The following PTPN13 variants were observed in gnomAD, a reference collection of about 807,000 sequenced individuals.
The protein encoded by PTPN13 is tyrosine-protein phosphatase non-receptor type 13.
PTPN13 carries 191 observed loss-of-function variants against 284.0 expected under a neutral mutation model. The observed-to-expected ratio is 0.67, with a 90% confidence interval of 0.60 to 0.76. PTPN13 has a LOEUF of 0.76. Ranked by LOEUF, PTPN13 falls within the 30% of genes least tolerant of loss-of-function variation. The pLI, the probability that PTPN13 is intolerant of heterozygous loss-of-function variation, is 0.00. For missense variants in PTPN13, 2,797 were observed against 2,939.9 expected, an observed-to-expected ratio of 0.95 and a Z score of 1.12; for synonymous variants, 986 against 1,022.3, an observed-to-expected ratio of 0.96 and a Z score of 0.68.
intron 7 of PTPN13, among the ~76,000 whole-genome samples, chr4:86,708,598 C>G (rs1390809030): frequency 6.6e-6 from 1 of 152,074 alleles, no homozygotes; most frequent in Non-Finnish European, 1.5e-5. Flanking sequence ...TAGCCACTCT[C>G]TAAGGACGGA....
In PTPN13 at chr4:86,724,163, T is replaced by C. The variant is rs1733975156; in HGVS notation, c.1608+1729T>C. ...TTGGATTGTAGTTTATAAAACACTA[T>C]CCAATTTTTAAAGTTTTTAGATTCC... On this transcript the variant is annotated intron_variant, in intron 10 of 47. Transcript: ENST00000411767. Among the ~76,000 whole-genome samples the C allele has an allele frequency of 2.0e-5, 3 of 152,190 alleles. No individual in the cohort carries two copies. In the South Asian group the frequency reaches 6.2e-4, roughly 31 times the overall value.
chr4:86,629,183 T>C lies in PTPN13; in HGVS notation c.-5-6069T>C, dbSNP rs1578285573. ...GCAACCTACAACATGGGAGAAAATT[T>C]TCGCAACCTACTCATCTGACAAAGG... is the stretch of plus-strand genomic sequence containing the variant. On this transcript the variant is annotated intron_variant, in intron 1 of 47. Coordinates refer to ENST00000411767, the MANE Select transcript of PTPN13 (RefSeq NM_080683.3). 2.7e-5 allele frequency among the ~76,000 whole-genome samples: 4 copies of C among 148,006 alleles called. 1 individual carries two copies. Among genetic ancestry groups the C allele is most frequent in the African/African-American group, 1.0e-4 (4 of 40,174 alleles).
Position 86,701,335 on chromosome 4 carries a change from T to C in PTPN13, c.729T>C (p.Phe243=), listed in dbSNP as rs1197407112. The change falls in exon 7 of 48, where the codon TTT becomes TTC. Residue 243 remains phenylalanine (F), a synonymous_variant. Coordinates refer to ENST00000411767, the MANE Select transcript of PTPN13 (RefSeq NM_080683.3). ...AAGGGCTTAGTAAATCTATGGGATT[T>C]CTGTCCATCAAAGATACACAAGATG... ...LNKGLSKSMG[F]LSIKDTQDEN... is the part of the protein sequence containing the mutation. 6.2e-7 allele frequency: 1 copy of C among 1,612,572 alleles called. No individual in the cohort carries two copies. The highest frequency in any genetic ancestry group is 1.1e-5 in the South Asian group (1 of 90,886).
At chr4:86,813,625 C>T (rs970809814) in intron 47 of PTPN13, among the ~76,000 whole-genome samples, 5 of 152,054 alleles carry the variant, frequency 3.3e-5, no homozygotes, top group Non-Finnish European at 5.9e-5. Flanking sequence ...TGGGATTTCA[C>T]CATGTTGGCC....
At chr4:86,602,931 T>A (rs1764435689) in intron 1 of PTPN13, among the ~76,000 whole-genome samples, 1 of 152,158 alleles carries the variant, frequency 6.6e-6, no homozygotes, top group African/African-American at 2.4e-5. Flanking sequence ...ACTACTGGAC[T>A]CAAGCGATCC....
chr4:86,694,865 A>G (rs1730442716), intron 6 of PTPN13, among the ~76,000 whole-genome samples: 1 of 152,168 alleles, frequency 6.6e-6, no homozygotes. Context: ...CTAACAAAAT[A>G]TATTCTAATT....
chr4:86,812,944 T>G (rs867595667), intron 47 of PTPN13, among the ~76,000 whole-genome samples: 70 of 152,116 alleles, frequency 4.6e-4, no homozygotes, highest in Middle Eastern at 3.4e-3. Context: ...CAGGGGTGGC[T>G]ACAGCTGGAG....
At chr4:86,722,907 A>C (rs1468920214) in intron 10 of PTPN13, among the ~76,000 whole-genome samples, 1 of 152,210 alleles carries the variant, frequency 6.6e-6, no homozygotes, top group Non-Finnish European at 1.5e-5. Context: ...AGAGGACTCC[A>C]TTAGCTCCAA....
At chr4:86,755,642 T>C (rs12508746) in intron 20 of PTPN13, among the ~76,000 whole-genome samples, 11,585 of 152,076 alleles carry the variant, frequency 0.076, 610 homozygotes, top group Non-Finnish European at 0.11. Context: ...TTACAACCCT[T>C]CTGTTTTTCA....
chr4:86,809,978 T>A lies in PTPN13; in HGVS notation c.7293T>A (p.Asp2431Glu). The change falls in exon 46 of 48, where the codon GAT becomes GAA. Residue 2431 changes from aspartate (D) to glutamate (E), a missense_variant. Transcript: ENST00000411767. ...TGGTTCTGGGATTAATCAGTCAGGA[T>A]CTTGATGTGAGTACAAGATATTGGC... is the stretch of plus-strand genomic sequence containing the variant. ...IDVVLGLISQ[D>E]LDFDISDLVR... The A allele has an allele frequency of 6.2e-7, 1 of 1,613,656 alleles. No homozygotes were observed. Among genetic ancestry groups the A allele is most frequent in the East Asian group, 2.2e-5 (1 of 44,874 alleles).
intron 3 of PTPN13, among the ~76,000 whole-genome samples, chr4:86,674,634 A>G (rs942153219): frequency 2.0e-5 from 3 of 152,220 alleles, no homozygotes; most frequent in African/African-American, 7.2e-5. Flanking sequence ...AGGTACAAGC[A>G]ACCATTGAAA....
chr4:86,748,141 G>T (rs1353843845), intron 17 of PTPN13, among the ~76,000 whole-genome samples: 1 of 152,126 alleles, frequency 6.6e-6, no homozygotes, highest in African/African-American at 2.4e-5. Flanking sequence ...AATAAATGAA[G>T]TCCCTCTCAT....
In PTPN13 at chr4:86,693,655, A is replaced by G; in HGVS notation, c.615A>G (p.Arg205=). Residue 205 remains arginine (R), a synonymous_variant, in exon 6 of 48, where the codon CGA becomes CGG. Coordinates refer to ENST00000411767, the MANE Select transcript of PTPN13 (RefSeq NM_080683.3). ...GCCAGGCTATTCGAGATCGATTGCG[A>G]GGAAAAGGATTACCAACAGGTAAGA... The part of the protein sequence containing the change: ...DRSQAIRDRL[R]GKGLPTGRSS... 1 of 1,553,802 alleles carries G rather than the reference A, an allele frequency of 6.4e-7. No homozygotes were observed. The highest frequency in any genetic ancestry group is 8.7e-7 in the Non-Finnish European group (1 of 1,146,210).
chr4:86,629,740 A>G lies in PTPN13; in HGVS notation c.-5-5512A>G, dbSNP rs553207548. ...TTATTTTTAAATGAACATTCTTATT[A>G]CATTAAAAATTCTAAAACCTATGTC... On this transcript the variant is annotated intron_variant, in intron 1 of 47. Transcript: ENST00000411767. Among the ~76,000 whole-genome samples, 6 of 152,114 alleles carry G rather than the reference A, an allele frequency of 3.9e-5. No individual in the cohort carries two copies. In the South Asian group the frequency reaches 1.2e-3, roughly 32 times the overall value.
At chr4:86,800,678 A>G (rs2149364569) in intron 42 of PTPN13, among the ~76,000 whole-genome samples, 2 of 141,960 alleles carry the variant, frequency 1.4e-5, no homozygotes, top group East Asian at 4.9e-4. Context: ...AGAGAGAAAG[A>G]GAGAGAAGGA....
chr4:86,742,948 G>A (rs1394724239), intron 16 of PTPN13, among the ~76,000 whole-genome samples: 2 of 152,074 alleles, frequency 1.3e-5, no homozygotes, highest in Non-Finnish European at 2.9e-5. Flanking sequence ...AAAGATTTGT[G>A]GGAATAGAGA....
intron 2 of PTPN13, among the ~76,000 whole-genome samples, chr4:86,652,732 G>T (rs1349369837): frequency 6.6e-6 from 1 of 151,932 alleles, no homozygotes; most frequent in Admixed American, 6.6e-5. Flanking sequence ...TATACCTTGA[G>T]GTAGTTGTAT....
chr4:86,758,611 G>C, intron 21 of PTPN13, 67 bp from the exon 22 acceptor site: 1 of 1,326,018 alleles, frequency 7.5e-7, no homozygotes, highest in Non-Finnish European at 1.1e-6. Flanking sequence ...CTGTGTTTCA[G>C]GCAGGCTAAT....
At chr4:86,801,822 A>T (rs964252645) in intron 42 of PTPN13, among the ~76,000 whole-genome samples, 1 of 152,222 alleles carries the variant, frequency 6.6e-6, no homozygotes, top group African/African-American at 2.4e-5. Context: ...AACTAAGCTA[A>T]GAAATATCTG....
Sources: gnomAD v4.1 joint callset for allele counts (sites outside exome capture counted in the v4.1 genomes callset) on GRCh38, gnomAD v4.1.1 for gene constraint, MANE v1.5 for transcripts, NCBI Gene and HGNC (gene_info 2026-07-23, HGNC 2026-07-21) for gene names.